Variants in INPP5A observed in about 807,000 individuals in gnomAD.
The protein encoded by INPP5A is 43 kDa inositol polyphosphate 5-phophatase.
A neutral mutation model predicts 65.2 loss-of-function variants in INPP5A; 14 were observed. The ratio of observed to expected loss-of-function variants is 0.21; its 90% CI spans 0.14 to 0.34. The LOEUF (loss-of-function observed/expected upper bound fraction) is 0.34, where lower values mean the gene tolerates loss of function less well. Among genes scored for constraint, INPP5A ranks in the 10% least tolerant of loss-of-function variants. INPP5A has a pLI of 1.00. For missense variants in INPP5A, 431 were observed against 545.6 expected, an observed-to-expected ratio of 0.79 and a Z score of 2.09; for synonymous variants, 207 against 208.3, an observed-to-expected ratio of 0.99 and a Z score of 0.05.
intron 4 of INPP5A, among the ~76,000 whole-genome samples, chr10:132,672,140 T>C (rs540306020): frequency 6.6e-6 from 1 of 152,380 alleles, no homozygotes; most frequent in South Asian, 2.1e-4. Context: ...ATTCTTTTGC[T>C]AAAAACATGT....
intron 2 of INPP5A, among the ~76,000 whole-genome samples, chr10:132,613,327 C>T (rs1330870294): frequency 3.3e-5 from 5 of 150,892 alleles, no homozygotes; most frequent in East Asian, 3.9e-4. Flanking sequence ...CCCTCCTTCC[C>T]GAGTCCCCCA....
rs577975892 is a variant in INPP5A, at chr10:132,647,671, G to A, written c.218+1703G>A. ...AGCCCAGAGAGTGGAGAGCGGAGTC[G>A]AGGCCCCACCCAGACCCTCGCGGCT... On this transcript the variant is annotated intron_variant, in intron 3 of 15. Coordinates refer to ENST00000368594, the MANE Select transcript of INPP5A (RefSeq NM_005539.5). 3.3e-5 allele frequency among the ~76,000 whole-genome samples: 5 copies of A among 152,214 alleles called. 1 individual carries two copies. The highest frequency in any genetic ancestry group is 4.1e-4 in the South Asian group (2 of 4,820).
At chr10:132,700,433 AT>A (rs1845418933) in intron 6 of INPP5A, among the ~76,000 whole-genome samples, 1 of 152,218 alleles carries the variant, frequency 6.6e-6, no homozygotes, top group Non-Finnish European at 1.5e-5. Flanking sequence ...GTGTTTGATG[AT>A]CTGCAAAGGT....
At chr10:132,608,810 T>G (rs1276288525) in intron 2 of INPP5A, among the ~76,000 whole-genome samples, 2 of 152,128 alleles carry the variant, frequency 1.3e-5, no homozygotes, top group Non-Finnish European at 2.9e-5. Flanking sequence ...GTTTGGCTGC[T>G]GATTGGAGAT....
chr10:132,741,673 G>A lies in INPP5A; in HGVS notation c.733-7844G>A, dbSNP rs1302622322. Among the ~76,000 whole-genome samples, 1 of 152,082 alleles carries A rather than the reference G, an allele frequency of 6.6e-6. No homozygotes were observed. Among genetic ancestry groups the A allele is most frequent in the Admixed American group, 6.5e-5 (1 of 15,274 alleles). On this transcript the variant is annotated intron_variant, in intron 9 of 15. Transcript: ENST00000368594. This position sits in a 1 kb window ranked among gnomAD's most constrained non-coding sequence, Gnocchi z 4.4. ...AAGGTGGACGTTGGTATCCGCGTCC[G>A]CTTGCTTTTCTCAATAGCCAATGTA...
At chr10:132,653,980 C>T (rs919577370) in intron 4 of INPP5A, among the ~76,000 whole-genome samples, 10 of 152,352 alleles carry the variant, frequency 6.6e-5, no homozygotes, top group South Asian at 4.1e-4. Flanking sequence ...TCAGCACACA[C>T]GCTTCCCAAT....
chr10:132,573,587 T>C (rs983112755), intron 1 of INPP5A, among the ~76,000 whole-genome samples: 108 of 127,998 alleles, frequency 8.4e-4, no homozygotes, highest in African/African-American at 2.0e-3. Flanking sequence ...TTGGGGTGTG[T>C]GTGCCGTGTG....
intron 3 of INPP5A, among the ~76,000 whole-genome samples, chr10:132,649,564 C>G (rs565495788): frequency 6.6e-6 from 1 of 152,350 alleles, no homozygotes; most frequent in East Asian, 1.9e-4. Context: ...TCAAGGCATT[C>G]TTTGCCTTGC....
rs2072195336 is a variant in INPP5A at position 132,627,138 on chromosome 10, G to C, written c.118-18730G>C. Among the ~76,000 whole-genome samples, 1 of 151,894 alleles carries C rather than the reference G, an allele frequency of 6.6e-6. No homozygotes were observed. Among genetic ancestry groups the C allele is most frequent in the Non-Finnish European group, 1.5e-5 (1 of 68,034 alleles). ...GCGCAGAGGCAGCTCTGTGAGCCAG[G>C]AAGGACCCTCACCAGGAACCAAACC... On this transcript the variant is annotated intron_variant, in intron 2 of 15. Coordinates refer to ENST00000368594, the MANE Select transcript of INPP5A (RefSeq NM_005539.5). This position sits in a 1 kb window ranked among gnomAD's most constrained non-coding sequence, Gnocchi z 6.6.
At chr10:132,708,810 C>A (rs997119598) in intron 7 of INPP5A, among the ~76,000 whole-genome samples, 5 of 152,226 alleles carry the variant, frequency 3.3e-5, no homozygotes, top group African/African-American at 1.2e-4. Context: ...CTGGCCTGGC[C>A]TTTCTGCAGT....
At chr10:132,781,838 A>G in intron 14 of INPP5A, 23 bp from the exon 15 acceptor site, 1 of 1,607,710 alleles carries the variant, frequency 6.2e-7, no homozygotes, top group South Asian at 1.1e-5. Flanking sequence ...CCGTGCTGAC[A>G]CCGTCCTCTC....
rs1291112672 is a variant in INPP5A, at chr10:132,676,803, G to A, written c.307-13589G>A. On this transcript the variant is annotated intron_variant, in intron 4 of 15. Coordinates refer to ENST00000368594, the MANE Select transcript of INPP5A (RefSeq NM_005539.5). This position sits in a 1 kb window ranked among gnomAD's most constrained non-coding sequence, Gnocchi z 4.0. Reference sequence around the variant, plus strand: ...TGACTGCTGGCTCTCACCTGCTCCTGTCTCTCCACAGTAGTAGCCTCAGTC... The same window carrying A: ...TGACTGCTGGCTCTCACCTGCTCCTATCTCTCCACAGTAGTAGCCTCAGTC... Among the ~76,000 whole-genome samples, 1 of 152,160 alleles carries A rather than the reference G, an allele frequency of 6.6e-6. No individual in the cohort carries two copies. Among genetic ancestry groups the A allele is most frequent in the Non-Finnish European group, 1.5e-5 (1 of 68,026 alleles).
chr10:132,596,970 T>C (rs1056385143), intron 1 of INPP5A, among the ~76,000 whole-genome samples: 2 of 151,242 alleles, frequency 1.3e-5, no homozygotes, highest in Non-Finnish European at 2.9e-5. Context: ...TGTGCGTGTG[T>C]GCATGCGTGT....
intron 8 of INPP5A, among the ~76,000 whole-genome samples, chr10:132,710,759 G>A (rs931934325): frequency 3.3e-5 from 5 of 149,922 alleles, no homozygotes; most frequent in African/African-American, 1.0e-4. Context: ...TGGGCAGGTA[G>A]GTGTGAGTGG....
intron 4 of INPP5A, among the ~76,000 whole-genome samples, chr10:132,671,072 GAGA>G (rs1342876848): frequency 2.0e-5 from 3 of 152,042 alleles, no homozygotes; most frequent in Admixed American, 6.5e-5. Context: ...GTAAAGAAAA[GAGA>G]AGGTCTCTCT....
At chr10:132,610,607 GGGCT>G (rs2071931490) in intron 2 of INPP5A, among the ~76,000 whole-genome samples, 1 of 152,236 alleles carries the variant, frequency 6.6e-6, no homozygotes, top group African/African-American at 2.4e-5. Flanking sequence ...GGGAGACCTG[GGGCT>G]GCTCCAGGGT....
chr10:132,614,864 G>A (rs1220728977), intron 2 of INPP5A, among the ~76,000 whole-genome samples: 1 of 152,252 alleles, frequency 6.6e-6, no homozygotes, highest in Non-Finnish European at 1.5e-5. Context: ...CGGCAAGAAG[G>A]TGCCGTCTGT....
At chr10:132,626,703 G>C (rs559037183) in intron 2 of INPP5A, among the ~76,000 whole-genome samples, 1 of 152,234 alleles carries the variant, frequency 6.6e-6, no homozygotes, top group East Asian at 1.9e-4. Flanking sequence ...TTTACAGACA[G>C]ATTGTCAAGG....
rs2072575255 is a variant in INPP5A at position 132,651,429 on chromosome 10, C to T, written c.306+924C>T. On this transcript the variant is annotated intron_variant, in intron 4 of 15. Coordinates refer to ENST00000368594, the MANE Select transcript of INPP5A (RefSeq NM_005539.5). The surrounding 1 kb of genome is among the most constrained non-coding windows in gnomAD (Gnocchi z 5.0). ...TGGGTCCCCCGGCCTGGGTCCATCT[C>T]CCCCGTCTCTGGGGAGGCCCTGGGT... Among the ~76,000 whole-genome samples, 1 of 144,160 alleles carries T rather than the reference C, an allele frequency of 6.9e-6. No individual in the cohort carries two copies. The highest frequency in any genetic ancestry group is 1.5e-5 in the Non-Finnish European group (1 of 64,984). The allele number at this position is 144,160 out of a possible 152,430, so 94.6% of individuals were successfully genotyped here.
Sources: allele counts gnomAD v4.1 joint callset (sites outside exome capture counted in the v4.1 genomes callset), GRCh38; gene constraint gnomAD v4.1.1; non-coding constraint Gnocchi (gnomAD v3.1); transcripts MANE v1.5; gene names NCBI Gene and HGNC (gene_info 2026-07-23, HGNC 2026-07-21).